Variants in ANKRD26 observed in about 807,000 individuals in gnomAD.
ANKRD26 encodes the protein ankyrin repeat domain 26, also known as ankyrin repeat domain-containing protein 26.
A neutral mutation model predicts 208.7 loss-of-function variants in ANKRD26; 141 were observed. The observed-to-expected ratio is 0.68, with a 90% CI of 0.59 to 0.78. ANKRD26 has a LOEUF of 0.78. ANKRD26 is among the 30% of genes least tolerant of loss of function. ANKRD26 has a pLI of 0.00. For synonymous variants in ANKRD26, 636 were observed against 660.4 expected (o/e 0.96, Z 0.57); for missense variants, 1,889 against 1,938.7 (o/e 0.97, Z 0.48).
Position 26,976,377 on chromosome 10 carries a change from G to A in ANKRD26, c.*282-335C>T, listed in dbSNP as rs1322967080. On this transcript the variant is annotated intron_variant and NMD_transcript_variant, in intron 5 of 5. Transcript: ENST00000674670. ...TTACAGGTGCCCACCACCACGCCTG[G>A]CTAATTTTTGTATTTTTAGTAGAGA... 4.6e-5 allele frequency among the ~76,000 whole-genome samples: 7 copies of A among 151,994 alleles called. No individual in the cohort carries two copies. In the East Asian group the frequency reaches 1.3e-3, roughly 29 times the overall value.
intron 25 of ANKRD26, chr10:27,030,681 T>C: frequency 1.3e-6 from 1 of 779,426 alleles, no homozygotes; most frequent in South Asian, 5.9e-5. Flanking sequence ...TTTCCTTTAC[T>C]AGATTAAGTG....
At position 27,044,175 on chromosome 10, in the gene ANKRD26, TG is replaced by T; in HGVS notation, c.2000del (p.Thr667AsnfsTer21). On this transcript the variant is annotated frameshift_variant, in exon 19 of 34. Coordinates refer to ENST00000376087, the MANE Select transcript of ANKRD26 (RefSeq NM_014915.3). LOFTEE classifies it high-confidence loss of function. ...ACAGTACCTTGTTCTTTTCATTAGA[TG>T]TTTTCTTAGTAGGCCTAAAAAAAAA... ...DEDEGRPTKK[T>X]SNEKNKVKNQ... is the part of the protein sequence containing the mutation. 7.0e-7 allele frequency: 1 copy of T among 1,428,336 alleles called. No homozygotes were observed. Among genetic ancestry groups the T allele is most frequent in the Non-Finnish European group, 9.6e-7 (1 of 1,046,612 alleles). 88.5% of individuals were successfully genotyped at this position (1,428,336 alleles called of 1,614,324 possible).
At chr10:27,082,941 T>C in intron 5 of ANKRD26, 108 bp from the exon 6 acceptor site, 2 of 1,382,580 alleles carry the variant, frequency 1.4e-6, no homozygotes, top group Non-Finnish European at 2.0e-6. Context: ...TGGGACCATA[T>C]CTGGAGACTA....
intron 19 of ANKRD26, 142 bp downstream of exon 19, chr10:27,044,015 A>G (rs1449289842): frequency 4.8e-6 from 3 of 619,400 alleles, no homozygotes; most frequent in Non-Finnish European, 7.4e-6. Flanking sequence ...GCTGGTCTCA[A>G]ATTCCTGGAG....
the ANKRD26 span, among the ~76,000 whole-genome samples, chr10:26,948,627 G>A: frequency 6.6e-6 from 1 of 152,186 alleles, no homozygotes; most frequent in Admixed American, 6.5e-5. Context: ...TATTCAGTAG[G>A]TTTAATGGAA....
At chr10:27,094,407 G>T (rs1017894697) in intron 1 of ANKRD26, among the ~76,000 whole-genome samples, 1 of 152,074 alleles carries the variant, frequency 6.6e-6, no homozygotes, top group Non-Finnish European at 1.5e-5. Flanking sequence ...AATAGAAAAG[G>T]CTTGACCTTT....
Position 27,050,925 on chromosome 10 carries a change from A to G in ANKRD26, c.1636-1946T>C, listed in dbSNP as rs112588980. The stretch of plus-strand genomic sequence containing the variant: ...CTCTTGTTACTTAGATAGCAGAATA[A>G]TATCTATTTCTAAACACAATTACAT... On this transcript the variant is annotated intron_variant, in intron 16 of 33. Coordinates refer to ENST00000376087, the MANE Select transcript of ANKRD26 (RefSeq NM_014915.3). The G allele has an allele frequency of 3.9e-3, 2,175 of 562,718 alleles. 47 individuals carry two copies. In the African/African-American group the frequency reaches 0.04, roughly 10 times the overall value. 34.9% of individuals were successfully genotyped at this position (562,718 alleles called of 1,614,324 possible).
At chr10:27,017,259 T>G (rs1051820697) in intron 30 of ANKRD26, among the ~76,000 whole-genome samples, 1 of 152,224 alleles carries the variant, frequency 6.6e-6, no homozygotes, top group African/African-American at 2.4e-5. Context: ...GATGGTTTTG[T>G]TTTATGCCAA....
chr10:27,095,000 C>CAA (rs752989150), intron 1 of ANKRD26, among the ~76,000 whole-genome samples: 184 of 97,622 alleles, frequency 1.9e-3, no homozygotes, highest in African/African-American at 4.7e-3. Context: ...ACCCTGTCTA[C>CAA]AAAAAAAAAA....
chr10:27,071,613 G>A (rs769276486), intron 9 of ANKRD26, among the ~76,000 whole-genome samples: 11 of 152,086 alleles, frequency 7.2e-5, no homozygotes, highest in Non-Finnish European at 1.0e-4. Context: ...GATTTGCGCT[G>A]CAAACTTTTT....
chr10:26,949,411 G>A, the ANKRD26 span, among the ~76,000 whole-genome samples: 1 of 144,518 alleles, frequency 6.9e-6, no homozygotes, highest in South Asian at 2.3e-4. Context: ...CAAATTAGTA[G>A]TAACTCCTAA....
downstream of ANKRD26, among the ~76,000 whole-genome samples, chr10:27,003,816 A>G (rs750161909): frequency 9.2e-5 from 14 of 152,228 alleles, no homozygotes; most frequent in Non-Finnish European, 1.6e-4. Context: ...CATAAATGTC[A>G]TTACAATCAA....
intron 2 of ANKRD26, 30 bp from the exon 3 acceptor site, chr10:27,093,552 T>TA: frequency 6.2e-7 from 1 of 1,613,258 alleles, no homozygotes; most frequent in Non-Finnish European, 8.5e-7. Flanking sequence ...AAACAGATCA[T>TA]AAATTCTAGG....
intron 9 of ANKRD26, 25 bp from the exon 10 acceptor site, chr10:27,067,311 C>CA (rs1363255947): frequency 1.2e-6 from 2 of 1,608,122 alleles, no homozygotes; most frequent in African/African-American, 1.3e-5. Context: ...AACAAACAAA[C>CA]AAAAAACTTC....
downstream of ANKRD26, among the ~76,000 whole-genome samples, chr10:26,972,171 C>T (rs1440526142): frequency 6.7e-6 from 1 of 149,870 alleles, no homozygotes; most frequent in African/African-American, 2.5e-5. Flanking sequence ...GGAGGCGGAG[C>T]TTGCAGTGAG....
At chr10:26,996,276 A>T (rs1317922418) in intron 4 of ANKRD26, among the ~76,000 whole-genome samples, 2 of 152,112 alleles carry the variant, frequency 1.3e-5, no homozygotes, top group African/African-American at 4.8e-5. Flanking sequence ...GTGAGAAAAA[A>T]AAAGGCCGGG....
downstream of ANKRD26, among the ~76,000 whole-genome samples, chr10:26,989,639 G>A (rs141528369): frequency 8.5e-5 from 13 of 152,240 alleles, no homozygotes; most frequent in Non-Finnish European, 1.5e-4. Flanking sequence ...ACCTGTTACT[G>A]ATTGTTCCCT....
Position 27,004,447 on chromosome 10 carries a change from T to C in ANKRD26, c.*1143A>G, listed in dbSNP as rs1258038136. ...ATGGGGAGTAGAGATATGTACATAG[T>C]CTCAAATTACCTCCCTGTAAAATAC... On this transcript the variant is annotated 3_prime_UTR_variant, in exon 34 of 34. Coordinates refer to ENST00000376087, the MANE Select transcript of ANKRD26 (RefSeq NM_014915.3). The C allele has an allele frequency of 6.6e-6, 1 of 152,186 alleles. No homozygotes were observed. The highest frequency in any genetic ancestry group is 2.4e-5 in the African/African-American group (1 of 41,508). 9.4% of individuals were successfully genotyped at this position (152,186 alleles called of 1,614,324 possible).
At chr10:27,002,600 G>T (rs573110919), downstream of ANKRD26, among the ~76,000 whole-genome samples, 1 of 152,340 alleles carries the variant, frequency 6.6e-6, no homozygotes, top group African/African-American at 2.4e-5. Context: ...CTCTGACCAT[G>T]TGTGACCCTG....
Sources: allele counts gnomAD v4.1 joint callset (sites outside exome capture counted in the v4.1 genomes callset), GRCh38; gene constraint gnomAD v4.1.1; transcripts MANE v1.5; gene names NCBI Gene and HGNC (gene_info 2026-07-23, HGNC 2026-07-21).